Variants in FOXN3 observed in about 807,000 individuals in gnomAD.
The protein encoded by FOXN3 is forkhead box N3.
Under a neutral mutation model 38.4 loss-of-function variants are expected in FOXN3, and 7 were observed. The observed-to-expected ratio is 0.18, with a 90% CI of 0.10 to 0.34. FOXN3 has a LOEUF of 0.34. Among genes scored for constraint, FOXN3 ranks in the 10% least tolerant of loss-of-function variants. The pLI, the probability that FOXN3 is intolerant of heterozygous loss-of-function variation, is 1.00. For missense variants in FOXN3, 456 were observed against 613.4 expected (o/e 0.74, Z 2.71); for synonymous variants, 230 against 242.2 (o/e 0.95, Z 0.47).
chr14:89,426,215 A>ACT (rs1892023317), intron 1 of FOXN3, among the ~76,000 whole-genome samples: 5 of 77,560 alleles, frequency 6.4e-5, no homozygotes, highest in Non-Finnish European at 1.1e-4. Context: ...AGGAGTACTG[A>ACT]TTTTTTTTTT....
intron 2 of FOXN3, among the ~76,000 whole-genome samples, 179 bp downstream of exon 2, chr14:89,411,755 C>G (rs1469933723): frequency 1.3e-5 from 2 of 151,874 alleles, no homozygotes; most frequent in Non-Finnish European, 2.9e-5. Context: ...ATAAACAGTA[C>G]ATAACTAATA....
At chr14:89,170,644 T>C (rs1393439724) in intron 5 of FOXN3, among the ~76,000 whole-genome samples, 1 of 152,144 alleles carries the variant, frequency 6.6e-6, no homozygotes, top group African/African-American at 2.4e-5. Context: ...AAAGAAGCAA[T>C]AATGTACAGA....
chr14:89,291,574 C>T (rs897103076), intron 3 of FOXN3: 10 of 552,748 alleles, frequency 1.8e-5, no homozygotes, highest in Non-Finnish European at 3.5e-5. Flanking sequence ...GTCTTTCCAG[C>T]AGTCCCTACA....
At chr14:89,611,106 A>G (rs1896378565) in intron 1 of FOXN3, among the ~76,000 whole-genome samples, 1 of 152,196 alleles carries the variant, frequency 6.6e-6, no homozygotes, top group South Asian at 2.1e-4. Context: ...AGTTTCCCCT[A>G]CACTCTTGCA....
chr14:89,558,130 G>A (rs1221497011), intron 1 of FOXN3, among the ~76,000 whole-genome samples: 1 of 152,166 alleles, frequency 6.6e-6, no homozygotes, highest in African/African-American at 2.4e-5. Context: ...CCTTATAGAT[G>A]TAAAAATTCA....
intron 2 of FOXN3, among the ~76,000 whole-genome samples, chr14:89,403,848 A>G (rs1891313705): frequency 6.6e-6 from 1 of 152,208 alleles, no homozygotes; most frequent in Non-Finnish European, 1.5e-5. Context: ...TGGCCAAGTC[A>G]CTGTGAGGAG....
intron 3 of FOXN3, among the ~76,000 whole-genome samples, chr14:89,343,797 C>CT (rs1390721054): frequency 2.6e-5 from 4 of 151,954 alleles, no homozygotes; most frequent in African/African-American, 9.7e-5. Context: ...CAGTCTCACT[C>CT]TGTTGCCCAG....
chr14:89,257,938 A>G (rs1885676713), intron 4 of FOXN3, among the ~76,000 whole-genome samples: 1 of 152,160 alleles, frequency 6.6e-6, no homozygotes, highest in African/African-American at 2.4e-5. Context: ...CAATGGTGTG[A>G]GCATTTTTAC....
intron 3 of FOXN3, among the ~76,000 whole-genome samples, chr14:89,324,450 G>A (rs1272756853): frequency 1.3e-5 from 1 of 74,376 alleles, no homozygotes; most frequent in Non-Finnish European, 2.7e-5. Context: ...GTGCGTGTGT[G>A]TGTGTGTGTG....
At chr14:89,216,993 T>A (rs114867451) in intron 4 of FOXN3, among the ~76,000 whole-genome samples, 1 of 152,244 alleles carries the variant, frequency 6.6e-6, no homozygotes, top group East Asian at 1.9e-4. Flanking sequence ...CCTGGCCCTA[T>A]GCTGTGCTGA....
chr14:89,172,848 G>A (rs1185133267), intron 5 of FOXN3, among the ~76,000 whole-genome samples: 2 of 152,140 alleles, frequency 1.3e-5, no homozygotes, highest in African/African-American at 2.4e-5. Flanking sequence ...ACTCCAGATG[G>A]ATTAGAGACT....
chr14:89,213,681 G>A (rs1014483807), intron 4 of FOXN3, among the ~76,000 whole-genome samples: 1 of 152,206 alleles, frequency 6.6e-6, no homozygotes, highest in Non-Finnish European at 1.5e-5. Context: ...GAGGACATGA[G>A]CCTTTCAGCC....
At chr14:89,525,153 ACT>A (rs1376608052) in intron 1 of FOXN3, among the ~76,000 whole-genome samples, 1 of 152,130 alleles carries the variant, frequency 6.6e-6, no homozygotes, top group Non-Finnish European at 1.5e-5. Flanking sequence ...GCTGAGACCT[ACT>A]GGGCTGCATT....
intron 2 of FOXN3, among the ~76,000 whole-genome samples, chr14:89,373,468 G>A (rs1295744580): frequency 6.6e-6 from 1 of 151,602 alleles, no homozygotes; most frequent in East Asian, 1.9e-4. Flanking sequence ...GTCTTTTTGG[G>A]GTGGGGGTGG....
intron 1 of FOXN3, among the ~76,000 whole-genome samples, chr14:89,513,011 G>T (rs1029861952): frequency 1.3e-5 from 2 of 151,882 alleles, no homozygotes; most frequent in African/African-American, 2.4e-5. Flanking sequence ...GCAGTGGCAG[G>T]TGCCTGTAAT....
At chr14:89,226,714 CATAA>C (rs1233829391) in intron 4 of FOXN3, among the ~76,000 whole-genome samples, 2 of 152,282 alleles carry the variant, frequency 1.3e-5, no homozygotes, top group Non-Finnish European at 2.9e-5. Context: ...TTGTTGCTGA[CATAA>C]ATAGTTAAGA....
intron 2 of FOXN3, among the ~76,000 whole-genome samples, chr14:89,352,334 G>A (rs1263675602): frequency 1.3e-5 from 2 of 152,204 alleles, no homozygotes; most frequent in Non-Finnish European, 2.9e-5. Flanking sequence ...GACTTTGCAA[G>A]TAAATCAGGC....
At chr14:89,197,641 C>T (rs867361893) in intron 4 of FOXN3, among the ~76,000 whole-genome samples, 1 of 152,222 alleles carries the variant, frequency 6.6e-6, no homozygotes, top group African/African-American at 2.4e-5. Context: ...CAATCTGCTC[C>T]TGGGTGAATC....
chr14:89,164,140 T>C lies in FOXN3; in HGVS notation c.852-1171A>G, dbSNP rs993360522. On this transcript the variant is annotated intron_variant, in intron 5 of 5. Transcript: ENST00000557258. This position sits in a 1 kb window ranked among gnomAD's most constrained non-coding sequence, Gnocchi z 4.3. ...CTGACAGCAATGGCTGTGAAGCTTATTCCTGGTTAGGACCCATGCTCCTTA... is the reference window on the plus strand; with the variant it reads ...CTGACAGCAATGGCTGTGAAGCTTACTCCTGGTTAGGACCCATGCTCCTTA... 1.3e-5 allele frequency among the ~76,000 whole-genome samples: 2 copies of C among 152,242 alleles called. No homozygotes were observed. The highest frequency in any genetic ancestry group is 2.9e-5 in the Non-Finnish European group (2 of 68,050).
Sources: gnomAD v4.1 joint callset for allele counts (sites outside exome capture counted in the v4.1 genomes callset) on GRCh38, gnomAD v4.1.1 for gene constraint, Gnocchi (gnomAD v3.1) non-coding constraint, MANE v1.5 for transcripts, NCBI Gene and HGNC (gene_info 2026-07-23, HGNC 2026-07-21) for gene names.